LOC128706666: variants seen among roughly 807,000 people sequenced by gnomAD.
At chr20:10,419,523 A>C in the LOC128706666 span, among the ~76,000 whole-genome samples, 1 of 152,206 alleles carries the variant, frequency 6.6e-6, no homozygotes, top group African/African-American at 2.4e-5. Context: ...AAGACCACCC[A>C]GTGGATGCCT....
At chr20:10,430,823 G>T in the LOC128706666 span, among the ~76,000 whole-genome samples, 1 of 152,212 alleles carries the variant, frequency 6.6e-6, no homozygotes, top group East Asian at 1.9e-4. Flanking sequence ...TCTAATAACA[G>T]TTAATAGAGC....
the LOC128706666 span, among the ~76,000 whole-genome samples, chr20:10,432,868 C>G: frequency 4.7e-5 from 7 of 147,372 alleles, no homozygotes; most frequent in Non-Finnish European, 1.0e-4. Flanking sequence ...CTTAAATAAT[C>G]TCTAGGCTAC....
chr20:10,428,312 C>A, the LOC128706666 span, among the ~76,000 whole-genome samples: 1 of 152,120 alleles, frequency 6.6e-6, no homozygotes. Flanking sequence ...CCAGATTGTT[C>A]CAGATCAGAT....
At chr20:10,414,957 G>A in the LOC128706666 span, among the ~76,000 whole-genome samples, 1 of 152,140 alleles carries the variant, frequency 6.6e-6, no homozygotes, top group African/African-American at 2.4e-5. Flanking sequence ...CAAAAACCAA[G>A]GGATATGCTG....
chr20:10,424,732 C>A, the LOC128706666 span, among the ~76,000 whole-genome samples: 1 of 151,812 alleles, frequency 6.6e-6, no homozygotes, highest in East Asian at 1.9e-4. Context: ...TTTTTTTCTT[C>A]TTAGTTCCTC....
chr20:10,422,446 C>T, the LOC128706666 span, among the ~76,000 whole-genome samples: 3 of 151,954 alleles, frequency 2.0e-5, no homozygotes, highest in Admixed American at 2.0e-4. Context: ...AGGCAAAAGC[C>T]TTTGGGAATT....
At chr20:10,428,765 G>T in the LOC128706666 span, among the ~76,000 whole-genome samples, 158 of 152,286 alleles carry the variant, frequency 1.0e-3, 1 homozygote, top group African/African-American at 3.6e-3. Flanking sequence ...CTTGAATCCA[G>T]GAGGCAGAGG....
chr20:10,431,481 A>G, the LOC128706666 span, among the ~76,000 whole-genome samples: 6 of 152,042 alleles, frequency 3.9e-5, no homozygotes, highest in Non-Finnish European at 7.4e-5. Context: ...TGAGAAGATA[A>G]TGGGACAATC....
the LOC128706666 span, among the ~76,000 whole-genome samples, chr20:10,419,922 C>T: frequency 1.3e-5 from 2 of 152,174 alleles, no homozygotes; most frequent in Non-Finnish European, 2.9e-5. Flanking sequence ...GAAAGCCAAA[C>T]TGCGGATAAA....
At chr20:10,428,623 G>A in the LOC128706666 span, among the ~76,000 whole-genome samples, 1 of 152,156 alleles carries the variant, frequency 6.6e-6, no homozygotes, top group Non-Finnish European at 1.5e-5. Context: ...TGGATCACTT[G>A]AGGTCAGGAT....
chr20:10,414,778 C>T, the LOC128706666 span, among the ~76,000 whole-genome samples: 45 of 152,086 alleles, frequency 3.0e-4, no homozygotes, highest in Admixed American at 1.0e-3. Context: ...CTATATTTAG[C>T]TGAATAATTC....
the LOC128706666 span, among the ~76,000 whole-genome samples, chr20:10,432,275 C>G: frequency 6.6e-6 from 1 of 152,214 alleles, no homozygotes; most frequent in African/African-American, 2.4e-5. Flanking sequence ...TTCTATTGCC[C>G]AATCCTGCTT....
the LOC128706666 span, among the ~76,000 whole-genome samples, chr20:10,428,149 C>G: frequency 6.6e-6 from 1 of 152,216 alleles, no homozygotes; most frequent in Non-Finnish European, 1.5e-5. Flanking sequence ...GAAGTGAAAA[C>G]TAGCTTACCA....
chr20:10,417,489 T>C, the LOC128706666 span, among the ~76,000 whole-genome samples: 1 of 152,200 alleles, frequency 6.6e-6, no homozygotes, highest in African/African-American at 2.4e-5. Context: ...CGGATGCCTA[T>C]AGTCCCAGCT....
At chr20:10,424,144 CTG>C in the LOC128706666 span, among the ~76,000 whole-genome samples, 84 of 152,208 alleles carry the variant, frequency 5.5e-4, no homozygotes, top group African/African-American at 2.0e-3. Flanking sequence ...AAGTATCACA[CTG>C]TACATATAAT....
the LOC128706666 span, among the ~76,000 whole-genome samples, chr20:10,426,395 T>C: frequency 6.6e-6 from 1 of 151,016 alleles, no homozygotes; most frequent in Non-Finnish European, 1.5e-5. Context: ...TGGGGCATCA[T>C]GCCTGGCATG....
chr20:10,428,771 A>C, the LOC128706666 span, among the ~76,000 whole-genome samples: 2 of 152,204 alleles, frequency 1.3e-5, no homozygotes, highest in Non-Finnish European at 2.9e-5. Context: ...TCCAGGAGGC[A>C]GAGGTTACAT....
At chr20:10,415,124 A>C in the LOC128706666 span, among the ~76,000 whole-genome samples, 96 of 152,372 alleles carry the variant, frequency 6.3e-4, no homozygotes, top group African/African-American at 2.2e-3. Context: ...CTTGAGGCAT[A>C]AATTCCTGAC....
At chr20:10,429,824 A>T in the LOC128706666 span, among the ~76,000 whole-genome samples, 1 of 152,152 alleles carries the variant, frequency 6.6e-6, no homozygotes, top group Non-Finnish European at 1.5e-5. Flanking sequence ...CAACAGTGCC[A>T]TTAGCAACAC....
Sources: gnomAD v4.1 joint callset for allele counts (sites outside exome capture counted in the v4.1 genomes callset) on GRCh38, gnomAD v4.1.1 for gene constraint, MANE v1.5 for transcripts.